FAT4: variants seen among roughly 807,000 people sequenced by gnomAD.
FAT4 encodes the protein protocadherin Fat 4.
Under a neutral mutation model 303.9 loss-of-function variants are expected in FAT4, and 84 were observed. The ratio of observed to expected loss-of-function variants is 0.28; its 90% CI spans 0.23 to 0.33. The LOEUF (loss-of-function observed/expected upper bound fraction) is 0.33, where lower values mean the gene tolerates loss of function less well. Ranked by LOEUF, FAT4 falls within the 10% of genes least tolerant of loss-of-function variation. FAT4 has a pLI of 1.00. For synonymous variants in FAT4, 2,307 were observed against 2,298.8 expected, an observed-to-expected ratio of 1.00 and a Z score of -0.10; for missense variants, 6,005 against 6,146.8, an observed-to-expected ratio of 0.98 and a Z score of 0.77.
chr4:125,442,790 A>G (rs949017528), intron 8 of FAT4, among the ~76,000 whole-genome samples: 1 of 152,132 alleles, frequency 6.6e-6, no homozygotes, highest in Non-Finnish European at 1.5e-5. Context: ...GTATAGATAG[A>G]TATGGATAGA....
At chr4:125,468,418 T>G (rs1726741904) in intron 11 of FAT4, 94 bp from the exon 12 acceptor site, 1 of 903,744 alleles carries the variant, frequency 1.1e-6, no homozygotes, top group Non-Finnish European at 1.5e-6. Flanking sequence ...TGTTAAAAGA[T>G]ATCTCATTTT....
At chr4:125,365,422 T>G (rs557158540) in intron 2 of FAT4, among the ~76,000 whole-genome samples, 3 of 152,328 alleles carry the variant, frequency 2.0e-5, no homozygotes, top group African/African-American at 4.8e-5. Context: ...CCTTGACTCC[T>G]CTTTCTCTTT....
At chr4:125,411,835 A>C (rs974338364) in intron 5 of FAT4, among the ~76,000 whole-genome samples, 8 of 97,014 alleles carry the variant, frequency 8.2e-5, no homozygotes, top group Non-Finnish European at 4.1e-5. Flanking sequence ...ACATATCTAT[A>C]TATAGTGTGT....
Position 125,396,320 on chromosome 4 carries a change from G to A in FAT4, c.5176-2464G>A, listed in dbSNP as rs568982155. The stretch of plus-strand genomic sequence containing the variant: ...TACACATATAACCTAAAAAAATCAG[G>A]TATGTTTATTAGTTATTTTATTAAA... On this transcript the variant is annotated intron_variant, in intron 2 of 17. Transcript: ENST00000394329. Among the ~76,000 whole-genome samples the A allele has an allele frequency of 2.0e-5, 3 of 152,128 alleles. No homozygotes were observed. In the East Asian group the frequency reaches 5.8e-4, roughly 29 times the overall value.
At chr4:125,384,995 TATATAC>T (rs1481756828) in intron 2 of FAT4, among the ~76,000 whole-genome samples, 15 of 117,178 alleles carry the variant, frequency 1.3e-4, no homozygotes, top group Non-Finnish European at 2.0e-4. Context: ...CACATATATA[TATATAC>T]ATATATATAT....
intron 2 of FAT4, among the ~76,000 whole-genome samples, chr4:125,326,078 A>G (rs1578523949): frequency 6.6e-6 from 1 of 152,276 alleles, no homozygotes; most frequent in Admixed American, 6.5e-5. Flanking sequence ...CCAGGAAAAA[A>G]AGAGCCACTC....
chr4:125,451,975 A>T lies in FAT4; in HGVS notation c.10965A>T (p.Ser3655=). The T allele has an allele frequency of 6.2e-7, 1 of 1,614,122 alleles. No individual in the cohort carries two copies. The highest frequency in any genetic ancestry group is 2.2e-5 in the East Asian group (1 of 44,872). ...ACAGCTTCCACTGCTCCCTTACTTC[A>T]GGAGTTACCAGCCTCTTCAGTATTC... ...VLDSFHCSLT[S]GVTSLFSIPG... Residue 3655 remains serine, a synonymous_variant, in exon 10 of 18, where the codon TCA becomes TCT. Transcript: ENST00000394329.
At chr4:125,352,756 ATTGCCCT>A (rs141400727) in intron 2 of FAT4, among the ~76,000 whole-genome samples, 4,400 of 151,734 alleles carry the variant, frequency 0.029, 215 homozygotes, top group Admixed American at 0.13. Flanking sequence ...GCACGCATAC[ATTGCCCT>A]TTTCTGAAAT....
chr4:125,402,168 T>C (rs1386894699), intron 3 of FAT4, among the ~76,000 whole-genome samples: 1 of 152,018 alleles, frequency 6.6e-6, no homozygotes, highest in East Asian at 1.9e-4. Context: ...AGAAAAATTA[T>C]TACAACTTTA....
chr4:125,431,405 A>G (rs1725280017), intron 7 of FAT4, among the ~76,000 whole-genome samples: 1 of 152,206 alleles, frequency 6.6e-6, no homozygotes, highest in Non-Finnish European at 1.5e-5. Context: ...GAGATGAATT[A>G]TTATTCAAAA....
intron 5 of FAT4, among the ~76,000 whole-genome samples, chr4:125,409,156 A>G (rs1734745783): frequency 1.3e-5 from 2 of 152,166 alleles, no homozygotes; most frequent in Admixed American, 6.5e-5. Context: ...TTTAACTTGA[A>G]AAGGATAGAA....
At chr4:125,460,373 T>G (rs190490269) in intron 10 of FAT4, among the ~76,000 whole-genome samples, 1 of 152,126 alleles carries the variant, frequency 6.6e-6, no homozygotes, top group Admixed American at 6.6e-5. Context: ...ACAGATTATT[T>G]CATCAACTAG....
At chr4:125,436,803 A>G (rs904416298) in intron 8 of FAT4, among the ~76,000 whole-genome samples, 2 of 152,080 alleles carry the variant, frequency 1.3e-5, no homozygotes, top group East Asian at 3.9e-4. Context: ...CCATGATTCA[A>G]TTATCTCCAC....
intron 12 of FAT4, among the ~76,000 whole-genome samples, chr4:125,470,643 A>G (rs947730901): frequency 7.9e-5 from 12 of 152,174 alleles, no homozygotes; most frequent in African/African-American, 2.7e-4. Context: ...TTTCTTCTGT[A>G]CTTTCCTCAC....
intron 5 of FAT4, among the ~76,000 whole-genome samples, chr4:125,411,386 T>G (rs1734833667): frequency 6.6e-6 from 1 of 152,000 alleles, no homozygotes; most frequent in African/African-American, 2.4e-5. Flanking sequence ...GTTATTTCGT[T>G]ATCCTATAAA....
intron 2 of FAT4, among the ~76,000 whole-genome samples, chr4:125,361,046 G>T (rs1732646733): frequency 6.8e-6 from 1 of 147,156 alleles, no homozygotes; most frequent in Non-Finnish European, 1.5e-5. Context: ...GATGTGTATT[G>T]TTTCAAATAC....
chr4:125,361,836 G>T (rs1732685340), intron 2 of FAT4, among the ~76,000 whole-genome samples: 1 of 152,064 alleles, frequency 6.6e-6, no homozygotes, highest in African/African-American at 2.4e-5. Context: ...TTGTTCTCAT[G>T]TGCAAATCCC....
rs563788183 is a variant in FAT4 at position 125,485,012 on chromosome 4, C to T, written c.12823-2333C>T. On this transcript the variant is annotated intron_variant, in intron 16 of 17. Coordinates refer to ENST00000394329, the MANE Select transcript of FAT4 (RefSeq NM_001291303.3). ...GGACTACAGGTGTGCGTAACCATGC[C>T]GGGCTAACTTTTGTATTTTTTTGTA... is the stretch of plus-strand genomic sequence containing the variant. Among the ~76,000 whole-genome samples, 75 of 151,984 alleles carry T rather than the reference C, an allele frequency of 4.9e-4. 1 individual carries two copies. Among genetic ancestry groups the T allele is most frequent in the Admixed American group, 3.5e-3 (54 of 15,264 alleles).
chr4:125,423,425 T>C (rs1288436652), intron 7 of FAT4, among the ~76,000 whole-genome samples: 1 of 152,180 alleles, frequency 6.6e-6, no homozygotes, highest in Admixed American at 6.5e-5. Flanking sequence ...AGGCTGTTGC[T>C]TCAGAGGGTA....
Sources: gnomAD v4.1 joint callset for allele counts (sites outside exome capture counted in the v4.1 genomes callset) on GRCh38, gnomAD v4.1.1 for gene constraint, MANE v1.5 for transcripts, NCBI Gene and HGNC (gene_info 2026-07-23, HGNC 2026-07-21) for gene names.